AAAS: variants seen among roughly 807,000 people sequenced by gnomAD.
AAAS encodes aladin.
In AAAS, 60 loss-of-function variants were observed where a neutral mutation model predicts 75.6. The observed-to-expected ratio is 0.79, with a 90% CI of 0.64 to 0.98. AAAS has a LOEUF of 0.98. AAAS is among the 50% of genes least tolerant of loss of function. The probability of loss-of-function intolerance (pLI) is 0.00; values close to 1 mark genes in which losing one functional copy is unlikely to be tolerated. For missense variants in AAAS, 658 were observed against 686.9 expected (o/e 0.96, Z 0.47); for synonymous variants, 271 against 265.0 (o/e 1.02, Z -0.22).
chr12:53,307,730 G>C lies in AAAS; in HGVS notation c.1417-17C>G. The C allele has an allele frequency of 1.2e-6, 2 of 1,614,004 alleles. No homozygotes were observed. Among genetic ancestry groups the C allele is most frequent in the East Asian group, 4.5e-5 (2 of 44,888 alleles). On this transcript the variant is annotated splice_polypyrimidine_tract_variant and intron_variant, in intron 15 of 15. Coordinates refer to ENST00000209873, the MANE Select transcript of AAAS (RefSeq NM_015665.6). ...GGACCAGCCCTGCAGAGAAGGGAAA[G>C]AAAAGGATCAGAGTCTGGGCCCAAA...
chr12:53,308,239 G>A (rs375301109), intron 13 of AAAS, 43 bp downstream of exon 13: 1 of 1,613,346 alleles, frequency 6.2e-7, no homozygotes, highest in Non-Finnish European at 8.5e-7. Flanking sequence ...TAGATTAACT[G>A]GGAAGATGGC....
chr12:53,311,860 T>A (rs936944451), intron 7 of AAAS, among the ~76,000 whole-genome samples: 2 of 151,936 alleles, frequency 1.3e-5, no homozygotes, highest in African/African-American at 2.4e-5. Flanking sequence ...GTTGTTGCAG[T>A]GAGCTGAGAT....
At chr12:53,319,389 G>C (rs966383858) in intron 2 of AAAS, among the ~76,000 whole-genome samples, 2 of 152,098 alleles carry the variant, frequency 1.3e-5, no homozygotes, top group African/African-American at 4.8e-5. Context: ...AAAAGAACAT[G>C]GTTTCGCCAT....
At chr12:53,313,970 T>A (rs933807155) in intron 7 of AAAS, among the ~76,000 whole-genome samples, 1 of 152,162 alleles carries the variant, frequency 6.6e-6, no homozygotes, top group African/African-American at 2.4e-5. Context: ...CAGGTATTCT[T>A]TTTCTAATTT....
chr12:53,313,411 C>T (rs1167070253), intron 7 of AAAS, among the ~76,000 whole-genome samples: 1 of 151,670 alleles, frequency 6.6e-6, no homozygotes, highest in African/African-American at 2.4e-5. Context: ...AGAAATCCAC[C>T]CACCTTGGTC....
At chr12:53,309,801 A>G in intron 7 of AAAS, 80 bp from the exon 8 acceptor site, 1 of 1,571,800 alleles carries the variant, frequency 6.4e-7, no homozygotes, top group South Asian at 1.2e-5. Context: ...GCCTCCTGCT[A>G]AAACCTCCTA....
In AAAS at chr12:53,309,170, A is replaced by AAGG. The variant is rs1216769270; in HGVS notation, c.919_921dup (p.Pro307dup). On this transcript the variant is annotated inframe_insertion, in exon 9 of 16. Coordinates refer to ENST00000209873, the MANE Select transcript of AAAS (RefSeq NM_015665.6). ...TGTCCCACTCACCGAAAGACAGCTG[A>AAGG]AGGAGTGGTAGCCAGGATTTTGCTG... The AAGG allele has an allele frequency of 6.2e-7, 1 of 1,614,134 alleles. No individual in the cohort carries two copies. Among genetic ancestry groups the AAGG allele is most frequent in the Non-Finnish European group, 8.5e-7 (1 of 1,180,030 alleles).
In AAAS at chr12:53,314,346, T is replaced by C; in HGVS notation, c.641A>G (p.Gln214Arg). Residue 214 changes from glutamine to arginine, a missense_variant, in exon 7 of 16, where the codon CAG becomes CGG. Coordinates refer to ENST00000209873, the MANE Select transcript of AAAS (RefSeq NM_015665.6). ...LSASVLAVAC[Q>R]SCILIWTLDP... ...CAGGGTCCAGATAAGAATGCAGCTCTGGCAGGCCACAGCCAAGACAGAGGC... is the reference window on the plus strand; with the variant it reads ...CAGGGTCCAGATAAGAATGCAGCTCCGGCAGGCCACAGCCAAGACAGAGGC... 1.9e-6 allele frequency: 3 copies of C among 1,614,100 alleles called. No individual in the cohort carries two copies. The highest frequency in any genetic ancestry group is 2.2e-5 in the South Asian group (2 of 91,074).
rs149146781 is a variant in AAAS, at chr12:53,314,757, G to T, written c.539C>A (p.Ala180Asp). The T allele has an allele frequency of 1.2e-6, 2 of 1,613,412 alleles. No individual in the cohort carries two copies. The highest frequency in any genetic ancestry group is 8.5e-7 in the Non-Finnish European group (1 of 1,179,892). The stretch of plus-strand genomic sequence containing the variant: ...CTGGTGTCCCCACACACACCTGCTG[G>T]CATTATACACACGGACTGAGTCATC... ...LLDDSVRVYN[A>D]SSTIVPSLKH... Residue 180 changes from alanine to aspartate, a missense_variant, in exon 6 of 16, where the codon GCC becomes GAC. Ala to Asp is a moderately radical substitution (Grantham distance 126). Coordinates refer to ENST00000209873, the MANE Select transcript of AAAS (RefSeq NM_015665.6).
At position 53,321,420 on chromosome 12, in the gene AAAS, CTT is replaced by C; in HGVS notation, c.44_45del (p.Gln15ArgfsTer5). ...TCGTTATTGTGCTCATATAGGGTGA[CTT>C]GACCCCGAGGCGGTGGAGGAGGGAA... Reference protein sequence around the residue: ...GLFPPPPPRGQVTLYEHNNEL... With the variant: ...GLFPPPPPRGXVTLYEHNNEL... On this transcript the variant is annotated frameshift_variant, in exon 1 of 16. Coordinates refer to ENST00000209873, the MANE Select transcript of AAAS (RefSeq NM_015665.6). LOFTEE classifies it high-confidence loss of function. The C allele has an allele frequency of 6.2e-7, 1 of 1,614,232 alleles. No individual in the cohort carries two copies. The highest frequency in any genetic ancestry group is 1.1e-5 in the South Asian group (1 of 91,090).
At position 53,315,754 on chromosome 12, in the gene AAAS, T is replaced by C. The variant is rs1266985166; in HGVS notation, c.280A>G (p.Asn94Asp). 6.2e-7 allele frequency: 1 copy of C among 1,613,826 alleles called. No homozygotes were observed. Among genetic ancestry groups the C allele is most frequent in the Admixed American group, 1.7e-5 (1 of 59,954 alleles). Residue 94 changes from asparagine (N) to aspartate (D), a missense_variant, in exon 3 of 16, where the codon AAT becomes GAT. Physicochemically the swap from Asn to Asp is conservative, Grantham distance 23. Transcript: ENST00000209873. The stretch of plus-strand genomic sequence containing the variant: ...TCTTCTTCTGAGTTTGCAATTTCAT[T>C]TAGCACCCCAAAAAGGCCCACATCA... Reference protein sequence around the residue: ...WRDVGLFGVLNEIANSEEEVF... With the variant: ...WRDVGLFGVLDEIANSEEEVF...
intron 7 of AAAS, among the ~76,000 whole-genome samples, chr12:53,311,181 C>T (rs1451529779): frequency 1.3e-5 from 2 of 152,124 alleles, no homozygotes; most frequent in East Asian, 1.9e-4. Context: ...TAGGCTCAAG[C>T]GATCCATCTG....
intron 2 of AAAS, among the ~76,000 whole-genome samples, chr12:53,318,813 T>G (rs1207682217): frequency 6.6e-6 from 1 of 152,110 alleles, no homozygotes. Flanking sequence ...ATGCATCAAC[T>G]GGAAATCTAG....
At chr12:53,311,426 T>G (rs1944387269) in intron 7 of AAAS, among the ~76,000 whole-genome samples, 1 of 152,200 alleles carries the variant, frequency 6.6e-6, no homozygotes, top group African/African-American at 2.4e-5. Context: ...CACACCCAGC[T>G]AATTTTTGTA....
chr12:53,313,155 C>CTTTT (rs34324648), intron 7 of AAAS, among the ~76,000 whole-genome samples: 5 of 62,562 alleles, frequency 8.0e-5, no homozygotes, highest in Admixed American at 2.0e-4. Context: ...CGCGCCTGGC[C>CTTTT]TTTTTTTTTT....
In AAAS at chr12:53,309,159, A is replaced by C; in HGVS notation, c.933T>G (p.Phe311Leu). The C allele has an allele frequency of 6.2e-7, 1 of 1,614,098 alleles. No individual in the cohort carries two copies. The highest frequency in any genetic ancestry group is 1.1e-5 in the South Asian group (1 of 91,074). Residue 311 changes from phenylalanine to leucine, a missense_variant and splice_region_variant, in exon 9 of 16, where the codon TTT becomes TTG. Transcript: ENST00000209873. ...KILATTPSAV[F>L]RVWEAQMWTC... is the part of the protein sequence containing the mutation. ...CCCTCCATCCTTGTCCCACTCACCG[A>C]AAGACAGCTGAAGGAGTGGTAGCCA... is the stretch of plus-strand genomic sequence containing the variant.
chr12:53,307,972 C>G (rs1377570605), intron 14 of AAAS, 43 bp from the exon 15 acceptor site: 2 of 1,612,932 alleles, frequency 1.2e-6, no homozygotes, highest in South Asian at 2.2e-5. Flanking sequence ...AAGAAGGGAG[C>G]TGAATGTAGT....
intron 8 of AAAS, 54 bp from the exon 9 acceptor site, chr12:53,309,335 A>T: frequency 1.9e-6 from 3 of 1,610,310 alleles, no homozygotes; most frequent in Non-Finnish European, 2.5e-6. Flanking sequence ...ATCATCTCAC[A>T]GTGGGCTGGC....
chr12:53,318,787 G>A (rs1474021553), intron 2 of AAAS, among the ~76,000 whole-genome samples: 2 of 152,096 alleles, frequency 1.3e-5, no homozygotes, highest in African/African-American at 2.4e-5. Context: ...TGGCAAACAC[G>A]TGAACACCAG....
Sources: gnomAD v4.1 joint callset for allele counts (sites outside exome capture counted in the v4.1 genomes callset) on GRCh38, gnomAD v4.1.1 for gene constraint, MANE v1.5 for transcripts, NCBI Gene and HGNC (gene_info 2026-07-23, HGNC 2026-07-21) for gene names.